The following GMFB variants were observed in gnomAD, a reference collection of about 807,000 sequenced individuals.
GMFB encodes the protein GMF-beta.
GMFB carries 13 observed loss-of-function variants against 25.6 expected under a neutral mutation model. That is an observed-to-expected ratio of 0.51 (90% CI 0.33 to 0.81). The LOEUF (loss-of-function observed/expected upper bound fraction) is 0.81. Among genes scored for constraint, GMFB ranks in the 30% least tolerant of loss-of-function variants. The probability of loss-of-function intolerance (pLI) is 0.02; values close to 1 mark genes in which losing one functional copy is unlikely to be tolerated. For synonymous variants in GMFB, 57 were observed against 56.9 expected, an observed-to-expected ratio of 1.00 and a Z score of 0.00; for missense variants, 146 against 175.4, an observed-to-expected ratio of 0.83 and a Z score of 0.95.
intron 1 of GMFB, among the ~76,000 whole-genome samples, chr14:54,488,131 TCA>T (rs1283101799): frequency 6.6e-6 from 1 of 152,214 alleles, no homozygotes; most frequent in Non-Finnish European, 1.5e-5. Flanking sequence ...GAGTGGATGG[TCA>T]CAGAGAGCAG....
At chr14:54,483,549 T>C in intron 2 of GMFB, 122 bp downstream of exon 2, 2 of 629,652 alleles carry the variant, frequency 3.2e-6, no homozygotes, top group South Asian at 2.0e-5. Flanking sequence ...CTAAAGGTGG[T>C]GGTGGGGAAA....
intron 4 of GMFB, 130 bp downstream of exon 4, chr14:54,481,279 A>G: frequency 1.4e-6 from 1 of 689,950 alleles, no homozygotes; most frequent in African/African-American, 1.8e-5. Context: ...AGTCTAGTAT[A>G]TGCACACATA....
intron 4 of GMFB, 30 bp downstream of exon 4, chr14:54,481,378 TA>T (rs777035078): frequency 2.2e-5 from 32 of 1,466,730 alleles, no homozygotes; most frequent in Non-Finnish European, 3.0e-5. Context: ...CTAAAGAAAA[TA>T]AATCTTTTAA....
rs2031616674 is a variant in GMFB, at chr14:54,474,957, T to C, written c.*3131A>G. The C allele has an allele frequency of 6.6e-6, 1 of 152,578 alleles. No homozygotes were observed. Among genetic ancestry groups the C allele is most frequent in the African/African-American group, 2.4e-5 (1 of 41,456 alleles). The allele number at this position is 152,578 out of a possible 1,614,324, so 9.5% of individuals were successfully genotyped here. On this transcript the variant is annotated 3_prime_UTR_variant, in exon 7 of 7. Coordinates refer to ENST00000358056, the MANE Select transcript of GMFB (RefSeq NM_004124.3). ...TTCCAGAAATACAAAATAAGATTTG[T>C]CCAGAAATGTTTGAAACACATCCTC... is the stretch of plus-strand genomic sequence containing the variant.
At chr14:54,484,018 G>A in intron 1 of GMFB, 2 of 576,158 alleles carry the variant, frequency 3.5e-6, no homozygotes, top group Non-Finnish European at 6.5e-6. Flanking sequence ...GCTAATGAAT[G>A]TCTCAAAAAC....
chr14:54,479,139 A>T (rs933891486), intron 6 of GMFB: 3 of 152,160 alleles, frequency 2.0e-5, no homozygotes, highest in African/African-American at 7.2e-5. Context: ...ATAAAACTTG[A>T]AAGGAAATAC....
chr14:54,480,996 G>A (rs757657067), intron 4 of GMFB, 40 bp from the exon 5 acceptor site: 8 of 968,602 alleles, frequency 8.3e-6, no homozygotes, highest in South Asian at 1.4e-5. Flanking sequence ...ACTGCTCTCA[G>A]ACAGGTATTT....
intron 2 of GMFB, 30 bp downstream of exon 2, chr14:54,483,641 G>C: frequency 9.0e-7 from 1 of 1,108,328 alleles, no homozygotes; most frequent in Non-Finnish European, 1.4e-6. Context: ...TTAAGACCAT[G>C]TAACTTTGAG....
chr14:54,488,842 C>T (rs1222072354), intron 1 of GMFB, 83 bp downstream of exon 1: 4 of 1,234,344 alleles, frequency 3.2e-6, no homozygotes, highest in African/African-American at 3.1e-5. Flanking sequence ...CGCTGCCCGC[C>T]GCCGCCGGCT....
At chr14:54,485,009 T>C (rs2031763852) in intron 1 of GMFB, among the ~76,000 whole-genome samples, 1 of 151,958 alleles carries the variant, frequency 6.6e-6, no homozygotes, top group Admixed American at 6.5e-5. Context: ...AAATTGGGTA[T>C]AGAAAGAACA....
chr14:54,479,752 T>A, intron 6 of GMFB, 34 bp downstream of exon 6: 2 of 1,253,090 alleles, frequency 1.6e-6, no homozygotes, highest in Non-Finnish European at 2.3e-6. Flanking sequence ...AAGGAAAATA[T>A]TGTCTCAACA....
intron 5 of GMFB, 92 bp downstream of exon 5, chr14:54,480,782 T>C (rs1284161340): frequency 1.4e-6 from 1 of 697,180 alleles, no homozygotes; most frequent in Non-Finnish European, 2.6e-6. Flanking sequence ...TTCAACAATG[T>C]TCATCTTTAA....
intron 1 of GMFB, 31 bp from the exon 2 acceptor site, chr14:54,483,798 C>T: frequency 8.4e-7 from 1 of 1,188,052 alleles, no homozygotes; most frequent in Non-Finnish European, 1.3e-6. Context: ...ACATAAAATG[C>T]CATGACTTCA....
intron 2 of GMFB, among the ~76,000 whole-genome samples, chr14:54,482,798 T>C (rs1184636494): frequency 6.6e-6 from 1 of 152,252 alleles, no homozygotes; most frequent in Non-Finnish European, 1.5e-5. Context: ...AAGTTGACCA[T>C]GTTTGGTTTT....
chr14:54,483,818 CAT>C lies in GMFB; in HGVS notation c.4-53_4-52del, dbSNP rs753659067. ...AAATGCCATGACTTCAATATATGTA[CAT>C]GTTAAAGTTATGAAACCTAATACCT... is the stretch of plus-strand genomic sequence containing the variant. On this transcript the variant is annotated intron_variant, in intron 1 of 6. Coordinates refer to ENST00000358056, the MANE Select transcript of GMFB (RefSeq NM_004124.3). The C allele has an allele frequency of 4.1e-6, 4 of 987,288 alleles. No individual in the cohort carries two copies. The African/African-American group carries it at 4.8e-5, about 12-fold the overall frequency. The allele number at this position is 987,288 out of a possible 1,614,324, so 61.2% of individuals were successfully genotyped here.
In GMFB at chr14:54,483,737, C is replaced by T. The variant is rs373310072; in HGVS notation, c.34G>A (p.Glu12Lys). ...SESLVVCDVA[E>K]DLVEKLRKFR... ...TTTCTCAGCTTTTCCACTAAATCTT[C>T]GGCAACATCACAAACAACCAAAGAC... Residue 12 changes from glutamate (E) to lysine (K), a missense_variant, in exon 2 of 7, where the codon GAA (glutamate) becomes AAA (lysine). Transcript: ENST00000358056. 5.6e-6 allele frequency: 9 copies of T among 1,608,572 alleles called. No homozygotes were observed. Among genetic ancestry groups the T allele is most frequent in the Admixed American group, 1.7e-5 (1 of 59,892 alleles).
In GMFB at chr14:54,482,188, C is replaced by T; in HGVS notation, c.115G>A (p.Asp39Asn). 1 of 1,603,408 alleles carries T rather than the reference C, an allele frequency of 6.2e-7. No homozygotes were observed. The highest frequency in any genetic ancestry group is 8.5e-7 in the Non-Finnish European group (1 of 1,170,656). ...NAAIIMKIDK[D>N]KRLVVLDEEL... ...TCATCCAGTACCACCAGGCGTTTAT[C>T]CTTGTCAATCTTCACTAAAATAAAA... The change falls in exon 3 of 7, where the codon GAT (aspartate) becomes AAT (asparagine). Residue 39 changes from aspartate (D) to asparagine (N), a missense_variant. Physicochemically the swap from Asp to Asn is conservative, Grantham distance 23 (BLOSUM62 1). Coordinates refer to ENST00000358056, the MANE Select transcript of GMFB (RefSeq NM_004124.3).
intron 1 of GMFB, 120 bp from the exon 2 acceptor site, chr14:54,483,887 A>C (rs1230153955): frequency 1.4e-6 from 1 of 716,850 alleles, no homozygotes; most frequent in Admixed American, 2.0e-5. Flanking sequence ...ATTAAGTGAA[A>C]GCATTAAATA....
At chr14:54,481,090 T>A in intron 4 of GMFB, 134 bp from the exon 5 acceptor site, 2 of 580,756 alleles carry the variant, frequency 3.4e-6, no homozygotes, top group South Asian at 2.4e-5. Flanking sequence ...TCCACAAAAT[T>A]AAATGGGTTC....
Sources: gnomAD v4.1 joint callset for allele counts (sites outside exome capture counted in the v4.1 genomes callset) on GRCh38, gnomAD v4.1.1 for gene constraint, MANE v1.5 for transcripts, NCBI Gene and HGNC (gene_info 2026-07-23, HGNC 2026-07-21) for gene names.